DLG2: variants seen among roughly 807,000 people sequenced by gnomAD.
The protein encoded by DLG2 is discs large MAGUK scaffold protein 2.
In DLG2, 45 loss-of-function variants were observed where a neutral mutation model predicts 132.5. The ratio of observed to expected loss-of-function variants is 0.34; its 90% CI spans 0.27 to 0.44. The LOEUF (loss-of-function observed/expected upper bound fraction) is 0.44, where lower values mean the gene tolerates loss of function less well. Ranked by LOEUF, DLG2 falls within the 20% of genes least tolerant of loss-of-function variation. The probability of loss-of-function intolerance (pLI) is 1.00; values close to 1 mark genes in which losing one functional copy is unlikely to be tolerated. For synonymous variants in DLG2, 424 were observed against 419.6 expected (o/e 1.01, Z -0.13); for missense variants, 1,045 against 1,196.9 (o/e 0.87, Z 1.87).
At chr11:84,375,586 G>T (rs1370387519) in intron 7 of DLG2, among the ~76,000 whole-genome samples, 1 of 151,958 alleles carries the variant, frequency 6.6e-6, no homozygotes. Context: ...TCTACAGATA[G>T]ACTGAATATT....
At chr11:84,462,249 A>C (rs2154485928) in intron 7 of DLG2, among the ~76,000 whole-genome samples, 1 of 151,242 alleles carries the variant, frequency 6.6e-6, no homozygotes, top group Middle Eastern at 3.4e-3. Context: ...TTTAACCACA[A>C]ATTAAACAAT....
At chr11:84,767,770 G>A (rs897347024) in intron 6 of DLG2, among the ~76,000 whole-genome samples, 1 of 152,018 alleles carries the variant, frequency 6.6e-6, no homozygotes, top group Non-Finnish European at 1.5e-5. Context: ...CTGCATAATA[G>A]CTGTACCTTG....
chr11:84,167,106 G>A, intron 8 of DLG2: 5 of 470,210 alleles, frequency 1.1e-5, no homozygotes, highest in Non-Finnish European at 2.2e-5. Context: ...CATAGACTTG[G>A]AGAGTCAGTC....
chr11:84,298,872 C>T lies in DLG2; in HGVS notation c.520-47581G>A, dbSNP rs117810487. ...TGAATAGTTGGGTGTGACCAGAACA[C>T]AACAGTAGTGGTTGGAGATGGAGCG... On this transcript the variant is annotated intron_variant, in intron 7 of 27. Transcript: ENST00000376104. Among the ~76,000 whole-genome samples the T allele has an allele frequency of 9.6e-3, 1,468 of 152,242 alleles. 20 individuals carry two copies. The highest frequency in any genetic ancestry group is 0.057 in the East Asian group (296 of 5,170).
At chr11:85,499,679 T>C (rs78221926) in intron 3 of DLG2, among the ~76,000 whole-genome samples, 9 of 152,184 alleles carry the variant, frequency 5.9e-5, no homozygotes, top group Non-Finnish European at 8.8e-5. Context: ...CTGATGAATA[T>C]TGACGTGAAA....
chr11:83,858,826 T>A (rs180717289), intron 16 of DLG2, among the ~76,000 whole-genome samples: 4 of 152,320 alleles, frequency 2.6e-5, no homozygotes, highest in Admixed American at 6.5e-5. Context: ...GGCTTATAGT[T>A]TTTTTGTAAG....
At chr11:83,595,305 C>T (rs2057387876) in intron 19 of DLG2, among the ~76,000 whole-genome samples, 1 of 152,188 alleles carries the variant, frequency 6.6e-6, no homozygotes, top group South Asian at 2.1e-4. Flanking sequence ...TTTTCTCTTA[C>T]AATTCTCAAA....
intron 3 of DLG2, among the ~76,000 whole-genome samples, chr11:85,532,860 G>T (rs189154821): frequency 2.0e-4 from 30 of 152,114 alleles, no homozygotes; most frequent in South Asian, 2.1e-4. Context: ...TTTTTTTAAT[G>T]TCCCACACCT....
chr11:83,484,858 T>C (rs950881185), intron 21 of DLG2, among the ~76,000 whole-genome samples: 1 of 152,134 alleles, frequency 6.6e-6, no homozygotes, highest in African/African-American at 2.4e-5. Context: ...CATGAATATA[T>C]AATCATTAGA....
At position 85,055,127 on chromosome 11, in the gene DLG2, A is replaced by T. The variant is rs137982489; in HGVS notation, c.357+56534T>A. ...ATTAATTAGATGAATGAGTGACTTC[A>T]GACAAATTTGTCAAATAAAGATGCT... On this transcript the variant is annotated intron_variant, in intron 6 of 27. Transcript: ENST00000376104. Among the ~76,000 whole-genome samples the T allele has an allele frequency of 4.8e-3, 729 of 152,342 alleles. 2 individuals carry two copies. The highest frequency in any genetic ancestry group is 0.016 in the African/African-American group (670 of 41,588).
At chr11:83,629,847 T>A (rs2063264121) in intron 19 of DLG2, among the ~76,000 whole-genome samples, 1 of 152,214 alleles carries the variant, frequency 6.6e-6, no homozygotes, top group South Asian at 2.1e-4. Context: ...GAATTGATAA[T>A]GTACTTGTGC....
intron 7 of DLG2, among the ~76,000 whole-genome samples, chr11:84,517,650 A>G (rs1326317368): frequency 6.6e-6 from 1 of 152,050 alleles, no homozygotes; most frequent in African/African-American, 2.4e-5. Flanking sequence ...ACTATTGGGT[A>G]TATAGCCAGA....
intron 19 of DLG2, among the ~76,000 whole-genome samples, chr11:83,567,579 G>C (rs1372708628): frequency 6.6e-6 from 1 of 152,188 alleles, no homozygotes; most frequent in African/African-American, 2.4e-5. Context: ...GCAGAGTCTA[G>C]TAGGAAAGAA....
intron 15 of DLG2, among the ~76,000 whole-genome samples, chr11:83,879,800 T>A (rs556687881): frequency 3.9e-5 from 6 of 152,304 alleles, no homozygotes; most frequent in Admixed American, 1.3e-4. Flanking sequence ...TTCCTCAATA[T>A]TGTAGTACTC....
intron 6 of DLG2, among the ~76,000 whole-genome samples, chr11:85,008,427 A>C (rs1344729054): frequency 6.6e-6 from 1 of 152,132 alleles, no homozygotes; most frequent in African/African-American, 2.4e-5. Context: ...TGAATAAGAA[A>C]TTTTACAGGG....
intron 3 of DLG2, among the ~76,000 whole-genome samples, chr11:85,324,125 G>C (rs1315220744): frequency 2.6e-5 from 4 of 152,096 alleles, no homozygotes; most frequent in East Asian, 3.9e-4. Context: ...CACACAGTCT[G>C]AAATGACCAT....
chr11:84,694,681 G>C (rs1397556051), intron 6 of DLG2, among the ~76,000 whole-genome samples: 2 of 151,270 alleles, frequency 1.3e-5, no homozygotes, highest in African/African-American at 4.8e-5. Context: ...TGGATGAAAG[G>C]AAAAAAGAAG....
chr11:84,957,635 T>G (rs2051892971), intron 6 of DLG2, among the ~76,000 whole-genome samples: 1 of 152,204 alleles, frequency 6.6e-6, no homozygotes, highest in African/African-American at 2.4e-5. Context: ...TTTTATCCAT[T>G]TATTACATTG....
At chr11:84,578,803 G>T (rs1257863396) in intron 6 of DLG2, among the ~76,000 whole-genome samples, 2 of 152,216 alleles carry the variant, frequency 1.3e-5, no homozygotes, top group East Asian at 3.9e-4. Context: ...AGATTTTGAG[G>T]GGCCAGGGGT....
Sources: allele counts gnomAD v4.1 joint callset (sites outside exome capture counted in the v4.1 genomes callset), GRCh38; gene constraint gnomAD v4.1.1; transcripts MANE v1.5; gene names NCBI Gene and HGNC (gene_info 2026-07-23, HGNC 2026-07-21).